Variants in THSD4 observed in about 807,000 individuals in gnomAD.
THSD4 encodes thrombospondin type 1 domain containing 4.
A neutral mutation model predicts 119.0 loss-of-function variants in THSD4; 69 were observed. That is an observed-to-expected ratio of 0.58 (90% CI 0.48 to 0.71). The LOEUF is 0.71. Ranked by LOEUF, THSD4 falls within the 30% of genes least tolerant of loss-of-function variation. THSD4 has a pLI of 0.00. For synonymous variants in THSD4, 524 were observed against 540.4 expected (o/e 0.97, Z 0.42); for missense variants, 1,393 against 1,391.1 (o/e 1.00, Z -0.02).
At chr15:71,395,417 G>A (rs2046435546) in intron 6 of THSD4, among the ~76,000 whole-genome samples, 1 of 152,142 alleles carries the variant, frequency 6.6e-6, no homozygotes, top group Admixed American at 6.5e-5. Context: ...CAGAGGCACA[G>A]ACAATTCTCA....
intron 7 of THSD4, among the ~76,000 whole-genome samples, chr15:71,450,625 G>A (rs1224565379): frequency 1.3e-5 from 2 of 152,214 alleles, no homozygotes; most frequent in African/African-American, 4.8e-5. Flanking sequence ...CTGTGGAGGT[G>A]TAACTTTGCT....
intron 7 of THSD4, among the ~76,000 whole-genome samples, chr15:71,453,507 C>T (rs1288672551): frequency 6.6e-6 from 1 of 152,132 alleles, no homozygotes; most frequent in Non-Finnish European, 1.5e-5. Flanking sequence ...AATTGGAAAT[C>T]ATATTTGGTG....
chr15:71,180,024 G>A (rs2043493899), intron 3 of THSD4, among the ~76,000 whole-genome samples: 2 of 118,202 alleles, frequency 1.7e-5, no homozygotes, highest in South Asian at 3.3e-4. Context: ...GATAGCATTG[G>A]GAGATATACC....
intron 6 of THSD4, among the ~76,000 whole-genome samples, chr15:71,397,860 T>A (rs940622570): frequency 1.3e-5 from 2 of 152,226 alleles, no homozygotes; most frequent in African/African-American, 4.8e-5. Context: ...CTAATACATA[T>A]GCAGTGTCTC....
chr15:71,391,873 G>C (rs576824600), intron 6 of THSD4, among the ~76,000 whole-genome samples: 1 of 152,118 alleles, frequency 6.6e-6, no homozygotes, highest in African/African-American at 2.4e-5. Flanking sequence ...CTTGCAGGTG[G>C]CTGTTTGCAA....
chr15:71,629,128 C>T (rs368684257), intron 7 of THSD4, among the ~76,000 whole-genome samples: 17 of 152,224 alleles, frequency 1.1e-4, no homozygotes, highest in African/African-American at 2.6e-4. Context: ...AATCTGTCAC[C>T]GGGTTGGCTC....
At chr15:71,100,628 A>G (rs1017933768) in intron 1 of THSD4, among the ~76,000 whole-genome samples, 8 of 152,202 alleles carry the variant, frequency 5.3e-5, no homozygotes, top group Non-Finnish European at 8.8e-5. Context: ...AATTTGTTAC[A>G]TAGAAACAGA....
intron 7 of THSD4, among the ~76,000 whole-genome samples, chr15:71,606,152 G>A (rs1345466066): frequency 6.6e-6 from 1 of 152,246 alleles, no homozygotes; most frequent in African/African-American, 2.4e-5. Flanking sequence ...CTGGGTAGTT[G>A]AAGAGAAAAT....
chr15:71,765,292 C>T, intron 16 of THSD4, 93 bp downstream of exon 16: 1 of 1,417,956 alleles, frequency 7.1e-7, no homozygotes, highest in Middle Eastern at 2.3e-4. Context: ...CTGGGTTCAG[C>T]CCTGAAAGAG....
At chr15:71,425,999 G>C (rs2046861782) in intron 7 of THSD4, among the ~76,000 whole-genome samples, 1 of 152,224 alleles carries the variant, frequency 6.6e-6, no homozygotes, top group Non-Finnish European at 1.5e-5. Flanking sequence ...GCTGATGGCA[G>C]AGGAACCTAA....
At chr15:71,689,063 C>T (rs918410325) in intron 8 of THSD4, among the ~76,000 whole-genome samples, 90 of 152,182 alleles carry the variant, frequency 5.9e-4, no homozygotes, top group Admixed American at 2.0e-4. Context: ...CAACTGTATC[C>T]ATAAGGCCCT....
chr15:71,577,436 T>G (rs1181397897), intron 7 of THSD4, among the ~76,000 whole-genome samples: 2 of 152,194 alleles, frequency 1.3e-5, no homozygotes, highest in African/African-American at 4.8e-5. Context: ...TTCTGGGGCT[T>G]GACAGTTGTA....
intron 7 of THSD4, among the ~76,000 whole-genome samples, chr15:71,440,206 C>T (rs2047071270): frequency 6.6e-6 from 1 of 152,004 alleles, no homozygotes; most frequent in South Asian, 2.1e-4. Context: ...TTTTGGATTC[C>T]AACATTTGCT....
chr15:71,229,392 C>A (rs1393076132), intron 4 of THSD4, among the ~76,000 whole-genome samples: 9 of 152,312 alleles, frequency 5.9e-5, no homozygotes, highest in African/African-American at 2.2e-4. Context: ...GACTCCCCTG[C>A]AGATACCAAA....
intron 1 of THSD4, among the ~76,000 whole-genome samples, chr15:71,124,901 G>A (rs1460772817): frequency 1.3e-5 from 2 of 151,996 alleles, no homozygotes; most frequent in Admixed American, 1.3e-4. Context: ...CTATTAGCCA[G>A]GCATGGTGGT....
intron 8 of THSD4, among the ~76,000 whole-genome samples, chr15:71,667,892 G>A (rs1005926268): frequency 1.8e-4 from 28 of 152,060 alleles, no homozygotes; most frequent in Non-Finnish European, 3.4e-4. Context: ...AGTTCATTGT[G>A]TATTCTCCAG....
intron 8 of THSD4, among the ~76,000 whole-genome samples, chr15:71,705,051 G>A (rs1476894362): frequency 1.3e-5 from 2 of 152,188 alleles, no homozygotes; most frequent in Non-Finnish European, 2.9e-5. Context: ...CAGCCCTGAA[G>A]AATGGGTAGA....
chr15:71,206,578 C>A (rs1400651062), intron 3 of THSD4, among the ~76,000 whole-genome samples: 1 of 152,132 alleles, frequency 6.6e-6, no homozygotes, highest in Non-Finnish European at 1.5e-5. Flanking sequence ...GCATGTGACT[C>A]GTTTTCTATG....
rs554335873 is a variant in THSD4 at position 71,608,861 on chromosome 15, A to G, written c.1153-51669A>G. 6.6e-5 allele frequency among the ~76,000 whole-genome samples: 10 copies of G among 152,352 alleles called. No homozygotes were observed. The South Asian group carries it at 1.2e-3, about 19-fold the overall frequency. On this transcript the variant is annotated intron_variant, in intron 7 of 17. Transcript: ENST00000261862. ...TGACTATTATCCCCAATATGTAGAT[A>G]AGGAAAGTGGGGCCGGTGGATGATT...
Sources: gnomAD v4.1 joint callset for allele counts (sites outside exome capture counted in the v4.1 genomes callset) on GRCh38, gnomAD v4.1.1 for gene constraint, MANE v1.5 for transcripts, NCBI Gene and HGNC (gene_info 2026-07-23, HGNC 2026-07-21) for gene names.